Variants in HS6ST3 observed in about 807,000 individuals in gnomAD.
The protein encoded by HS6ST3 is heparan-sulfate 6-O-sulfotransferase 3.
In HS6ST3, 12 loss-of-function variants were observed where a neutral mutation model predicts 36.7. The observed-to-expected ratio is 0.33, with a 90% CI of 0.21 to 0.53. The LOEUF is 0.53. HS6ST3 is among the 20% of genes least tolerant of loss of function. The probability of loss-of-function intolerance (pLI) is 0.95; values close to 1 mark genes in which losing one functional copy is unlikely to be tolerated. For synonymous variants in HS6ST3, 240 were observed against 257.5 expected, an observed-to-expected ratio of 0.93 and a Z score of 0.65; for missense variants, 584 against 640.9, an observed-to-expected ratio of 0.91 and a Z score of 0.96.
intron 1 of HS6ST3, among the ~76,000 whole-genome samples, chr13:96,188,343 G>T (rs2054274068): frequency 6.6e-6 from 1 of 152,118 alleles, no homozygotes; most frequent in South Asian, 2.1e-4. Context: ...GGCTGGGCAT[G>T]GTGGCTTATG....
intron 1 of HS6ST3, among the ~76,000 whole-genome samples, chr13:96,577,097 A>T (rs952722091): frequency 6.6e-6 from 1 of 151,878 alleles, no homozygotes; most frequent in African/African-American, 2.4e-5. Context: ...TACACATGCC[A>T]TGGTGGTTTG....
intron 1 of HS6ST3, among the ~76,000 whole-genome samples, chr13:96,430,624 T>G (rs1004592277): frequency 2.0e-5 from 3 of 152,170 alleles, no homozygotes; most frequent in African/African-American, 7.2e-5. Context: ...GCTCTTCTCT[T>G]TACCACCTGG....
intron 1 of HS6ST3, among the ~76,000 whole-genome samples, chr13:96,388,593 A>G (rs2055380176): frequency 6.6e-6 from 1 of 152,206 alleles, no homozygotes; most frequent in African/African-American, 2.4e-5. Context: ...TATTCTTTCT[A>G]TACTTTTTTA....
chr13:96,357,136 C>G (rs934100323), intron 1 of HS6ST3, among the ~76,000 whole-genome samples: 1 of 152,182 alleles, frequency 6.6e-6, no homozygotes, highest in Non-Finnish European at 1.5e-5. Flanking sequence ...TAGGCTTTGT[C>G]TTAAGGGAAT....
chr13:96,649,597 T>C (rs1018995458), intron 1 of HS6ST3, among the ~76,000 whole-genome samples: 2 of 152,192 alleles, frequency 1.3e-5, no homozygotes, highest in African/African-American at 2.4e-5. Flanking sequence ...CTGTTGCTTC[T>C]ACCATCAAGA....
At chr13:96,345,365 TG>T (rs2055148699) in intron 1 of HS6ST3, among the ~76,000 whole-genome samples, 1 of 152,208 alleles carries the variant, frequency 6.6e-6, no homozygotes, top group South Asian at 2.1e-4. Flanking sequence ...AAAGCGTGTT[TG>T]TCTTAGTGAC....
chr13:96,304,999 A>G (rs1017518415), intron 1 of HS6ST3, among the ~76,000 whole-genome samples: 3 of 151,690 alleles, frequency 2.0e-5, no homozygotes, highest in Non-Finnish European at 4.4e-5. Flanking sequence ...GAGCCACTGG[A>G]TGTTTTTCTA....
At chr13:96,624,610 C>T (rs1429894918) in intron 1 of HS6ST3, among the ~76,000 whole-genome samples, 1 of 151,702 alleles carries the variant, frequency 6.6e-6, no homozygotes, top group Non-Finnish European at 1.5e-5. Context: ...TCCCTCCCAA[C>T]TTGTGTGGTC....
intron 1 of HS6ST3, among the ~76,000 whole-genome samples, chr13:96,703,575 A>G (rs543217642): frequency 2.0e-4 from 30 of 152,328 alleles, no homozygotes; most frequent in Middle Eastern, 3.4e-3. Context: ...ACCAGCATCA[A>G]TGTTACCACT....
chr13:96,511,096 C>T lies in HS6ST3; in HGVS notation c.708-321394C>T, dbSNP rs150147885. ...GTCTAGATGTAAGTTGGGATTGACT[C>T]AGCACACTGAGATGCATGGTCACCT... On this transcript the variant is annotated intron_variant, in intron 1 of 1. Coordinates refer to ENST00000376705, the MANE Select transcript of HS6ST3 (RefSeq NM_153456.4). 3.9e-5 allele frequency among the ~76,000 whole-genome samples: 6 copies of T among 152,248 alleles called. No homozygotes were observed. The East Asian group carries it at 1.2e-3, about 29-fold the overall frequency.
At chr13:96,684,909 AATAC>A (rs1344082601) in intron 1 of HS6ST3, among the ~76,000 whole-genome samples, 1 of 152,112 alleles carries the variant, frequency 6.6e-6, no homozygotes, top group Non-Finnish European at 1.5e-5. Flanking sequence ...ATGTGTATAT[AATAC>A]ATATATAATG....
intron 1 of HS6ST3, among the ~76,000 whole-genome samples, chr13:96,712,810 T>A (rs1019605257): frequency 3.9e-5 from 6 of 152,094 alleles, no homozygotes; most frequent in Non-Finnish European, 7.4e-5. Context: ...ACTCAGTAGG[T>A]GTGATTTTAT....
chr13:96,661,720 T>G (rs1705611960), intron 1 of HS6ST3, among the ~76,000 whole-genome samples: 1 of 152,198 alleles, frequency 6.6e-6, no homozygotes, highest in Admixed American at 6.5e-5. Flanking sequence ...CGTGTTTTTA[T>G]GATGGTGAGT....
At chr13:96,573,948 G>A (rs2056310802) in intron 1 of HS6ST3, 1 of 534,986 alleles carries the variant, frequency 1.9e-6, no homozygotes, top group Admixed American at 2.0e-5. Flanking sequence ...CAGATGTGCT[G>A]CTACTGCTTT....
chr13:96,415,656 T>G lies in HS6ST3; in HGVS notation c.707+324087T>G, dbSNP rs575352795. 2.0e-5 allele frequency among the ~76,000 whole-genome samples: 3 copies of G among 152,302 alleles called. No homozygotes were observed. In the South Asian group the frequency reaches 6.2e-4, roughly 32 times the overall value. On this transcript the variant is annotated intron_variant, in intron 1 of 1. Transcript: ENST00000376705. ...CTTTAGAAAATAATGGCTGATGTTC[T>G]CTGTGGATCTTGCAAGAGAATCTTA...
chr13:96,728,842 A>T (rs1427787563), intron 1 of HS6ST3, among the ~76,000 whole-genome samples: 2 of 152,156 alleles, frequency 1.3e-5, no homozygotes, highest in Non-Finnish European at 2.9e-5. Context: ...TTCCAACCAA[A>T]TAAAAGACAG....
At chr13:96,597,831 T>C (rs968801048) in intron 1 of HS6ST3, among the ~76,000 whole-genome samples, 6 of 152,152 alleles carry the variant, frequency 3.9e-5, no homozygotes, top group African/African-American at 1.4e-4. Flanking sequence ...CCTTATTCCA[T>C]CTTGAGTTAA....
intron 1 of HS6ST3, among the ~76,000 whole-genome samples, chr13:96,432,190 C>G (rs897908793): frequency 6.6e-6 from 1 of 152,268 alleles, no homozygotes; most frequent in Middle Eastern, 3.4e-3. Context: ...CTAAGGTGCT[C>G]TCTTATGTAG....
At chr13:96,182,244 C>T (rs993312136) in intron 1 of HS6ST3, among the ~76,000 whole-genome samples, 1 of 152,184 alleles carries the variant, frequency 6.6e-6, no homozygotes, top group African/African-American at 2.4e-5. Context: ...ATTGTTAACC[C>T]TTGACTTTTG....
Sources: allele counts gnomAD v4.1 joint callset (sites outside exome capture counted in the v4.1 genomes callset), GRCh38; gene constraint gnomAD v4.1.1; transcripts MANE v1.5; gene names NCBI Gene and HGNC (gene_info 2026-07-23, HGNC 2026-07-21).